The following CYRIB variants were observed in gnomAD, a reference collection of about 807,000 sequenced individuals.
The protein encoded by CYRIB is CYFIP-related Rac1 interactor B.
A neutral mutation model predicts 44.2 loss-of-function variants in CYRIB; 8 were observed. The ratio of observed to expected loss-of-function variants is 0.18; its 90% confidence interval spans 0.11 to 0.33. The LOEUF (loss-of-function observed/expected upper bound fraction) is 0.33, where lower values mean the gene tolerates loss of function less well. Ranked by LOEUF, CYRIB falls within the 10% of genes least tolerant of loss-of-function variation. CYRIB has a pLI of 1.00. For missense variants in CYRIB, 185 were observed against 382.8 expected (o/e 0.48, Z 4.31); for synonymous variants, 131 against 127.2 (o/e 1.03, Z -0.20).
chr8:129,855,590 A>C (rs1421818486), intron 6 of CYRIB, 21 bp downstream of exon 8: 2 of 1,613,262 alleles, frequency 1.2e-6, no homozygotes, highest in Admixed American at 3.3e-5. Context: ...CGTAACAATC[A>C]GGGCCAATAG....
chr8:129,864,504 G>T, intron 4 of CYRIB: 1 of 166,924 alleles, frequency 6.0e-6, no homozygotes. Context: ...CCATCCAGGA[G>T]GCATGGAGGA....
At chr8:129,995,875 G>T (rs1283491556) in intron 1 of CYRIB, among the ~76,000 whole-genome samples, 3 of 152,220 alleles carry the variant, frequency 2.0e-5, no homozygotes, top group Non-Finnish European at 4.4e-5. Flanking sequence ...GTAGGCTAAA[G>T]ATGTCAACAT....
At chr8:129,842,877 T>C (rs369229659) in intron 11 of CYRIB, among the ~76,000 whole-genome samples, 1 of 152,236 alleles carries the variant, frequency 6.6e-6, no homozygotes, top group Non-Finnish European at 1.5e-5. Context: ...CTATTCTGTA[T>C]TTAAGATGCC....
intron 2 of CYRIB, among the ~76,000 whole-genome samples, chr8:129,961,955 A>T (rs941861665): frequency 2.6e-5 from 4 of 152,134 alleles, no homozygotes; most frequent in East Asian, 1.9e-4. Context: ...TTAAATAAAA[A>T]TTTTTTAATT....
intron 1 of CYRIB, among the ~76,000 whole-genome samples, chr8:129,927,357 A>G (rs1182859143): frequency 6.6e-6 from 1 of 152,234 alleles, no homozygotes. Context: ...CCATTTAAAC[A>G]TGCTACCAAG....
intron 1 of CYRIB, among the ~76,000 whole-genome samples, chr8:130,012,769 A>G (rs80049825): frequency 2.6e-5 from 4 of 150,976 alleles, no homozygotes; most frequent in East Asian, 1.9e-4. Context: ...GGAGGAGAGG[A>G]AAAAAAAAAT....
chr8:129,842,740 C>A (rs2037135400), intron 11 of CYRIB, among the ~76,000 whole-genome samples: 1 of 152,228 alleles, frequency 6.6e-6, no homozygotes, highest in African/African-American at 2.4e-5. Context: ...ATTCATGTAT[C>A]ATCTATGGTT....
At chr8:129,930,124 T>A (rs1462825346) in intron 1 of CYRIB, among the ~76,000 whole-genome samples, 1 of 151,156 alleles carries the variant, frequency 6.6e-6, no homozygotes, top group Non-Finnish European at 1.5e-5. Flanking sequence ...GGCAGGAGAA[T>A]CACTTGAACC....
intron 3 of CYRIB, among the ~76,000 whole-genome samples, chr8:129,873,329 G>A (rs144111739): frequency 1.1e-3 from 172 of 151,936 alleles, no homozygotes; most frequent in African/African-American, 3.3e-3. Context: ...TAAATGGTTA[G>A]CTTTCTTATA....
rs968715107 is a variant in CYRIB, at chr8:129,923,344, G to A, written c.-50+16264C>T. On this transcript the variant is annotated intron_variant, in intron 1 of 11. Transcript: ENST00000519824. ...GGCTGGAGTGCAATGGTACAATCTC[G>A]GCTCACTGCAACCTCTGCCTCCCAG... Among the ~76,000 whole-genome samples, 14 of 150,764 alleles carry A rather than the reference G, an allele frequency of 9.3e-5. 1 individual carries two copies. Among genetic ancestry groups the A allele is most frequent in the Admixed American group, 6.6e-4 (10 of 15,134 alleles).
At chr8:129,927,156 G>T (rs1213865887) in intron 1 of CYRIB, among the ~76,000 whole-genome samples, 1 of 152,230 alleles carries the variant, frequency 6.6e-6, no homozygotes, top group African/African-American at 2.4e-5. Context: ...GCCAAGTATG[G>T]TGGTGCGTGC....
chr8:129,874,156 A>T (rs558806946), intron 3 of CYRIB, among the ~76,000 whole-genome samples: 10 of 151,094 alleles, frequency 6.6e-5, no homozygotes, highest in African/African-American at 1.5e-4. Context: ...TTTACTATTT[A>T]AAAAAAAAGT....
chr8:129,854,148 A>T, intron 7 of CYRIB, 118 bp downstream of exon 9: 1 of 799,498 alleles, frequency 1.3e-6, no homozygotes, highest in Non-Finnish European at 2.1e-6. Flanking sequence ...GGCTGCCCAT[A>T]ATTACTAACT....
At chr8:129,871,536 G>C (rs183918697) in intron 3 of CYRIB, 40 bp from the exon 6 acceptor site, 1 of 1,596,400 alleles carries the variant, frequency 6.3e-7, no homozygotes, top group Admixed American at 1.8e-5. Context: ...ACAGTGACAT[G>C]AATTTTTTAA....
At chr8:129,881,152 C>T (rs562278523) in intron 2 of CYRIB, among the ~76,000 whole-genome samples, 1 of 152,246 alleles carries the variant, frequency 6.6e-6, no homozygotes, top group South Asian at 2.1e-4. Context: ...AGTGAAAATA[C>T]GGCATTGGCA....
intron 1 of CYRIB, among the ~76,000 whole-genome samples, chr8:129,923,383 T>C (rs1268250200): frequency 6.6e-6 from 1 of 151,858 alleles, no homozygotes; most frequent in Non-Finnish European, 1.5e-5. Flanking sequence ...CAAGCGATTC[T>C]CGTTCCTCAG....
At chr8:130,000,269 T>C (rs2096879773) in intron 1 of CYRIB, among the ~76,000 whole-genome samples, 1 of 152,084 alleles carries the variant, frequency 6.6e-6, no homozygotes, top group Non-Finnish European at 1.5e-5. Context: ...AACCTAGGGT[T>C]TTTTCTGGAC....
chr8:129,965,966 G>A (rs1051131896), intron 2 of CYRIB, among the ~76,000 whole-genome samples: 10 of 151,966 alleles, frequency 6.6e-5, no homozygotes, highest in Admixed American at 4.6e-4. Flanking sequence ...ATTCTCCTAC[G>A]TCGGCTTCCC....
At chr8:129,999,676 G>A (rs117104557) in intron 1 of CYRIB, among the ~76,000 whole-genome samples, 3,236 of 152,330 alleles carry the variant, frequency 0.021, 50 homozygotes, top group Middle Eastern at 0.048. Context: ...TGCCCAGGAT[G>A]GAGTGCAGTG....
Sources: gnomAD v4.1 joint callset for allele counts (sites outside exome capture counted in the v4.1 genomes callset) on GRCh38, gnomAD v4.1.1 for gene constraint, MANE v1.5 for transcripts, NCBI Gene and HGNC (gene_info 2026-07-23, HGNC 2026-07-21) for gene names.